Variants in RLN2 observed in about 807,000 individuals in gnomAD.
RLN2 encodes the protein relaxin 2, also known as prorelaxin H2.
Under a neutral mutation model 7.3 loss-of-function variants are expected in RLN2, and 10 were observed. That is an observed-to-expected ratio of 1.36 (90% CI 0.84 to 2.31). The LOEUF (loss-of-function observed/expected upper bound fraction) is 2.31. Among genes scored for constraint, RLN2 ranks in the 30% most tolerant of loss-of-function variants. The pLI, the probability that RLN2 is intolerant of heterozygous loss-of-function variation, is 0.00. For missense variants in RLN2, 298 were observed against 217.6 expected, an observed-to-expected ratio of 1.37 and a Z score of -2.32; for synonymous variants, 103 against 82.3, an observed-to-expected ratio of 1.25 and a Z score of -1.36.
chr9:5,300,144 C>A lies in RLN2; in HGVS notation c.512G>T (p.Cys171Phe). The A allele has an allele frequency of 6.2e-7, 1 of 1,604,682 alleles. No homozygotes were observed. Residue 171 changes from cysteine (C) to phenylalanine (F), a missense_variant, in exon 2 of 2, where the codon TGT becomes TTT. Coordinates refer to ENST00000381627, the MANE Select transcript of RLN2 (RefSeq NM_134441.3). ...RQLYSALANK[C>F]CHVGCTKRSL... Reference sequence around the variant, plus strand: ...TCTTTTGGTACAACCAACATGGCAACATTTATTAGCCAATGCACTGTAGAG... The same window carrying A: ...TCTTTTGGTACAACCAACATGGCAAAATTTATTAGCCAATGCACTGTAGAG...
chr9:5,312,666 A>G, the RLN2 span, among the ~76,000 whole-genome samples: 1 of 151,958 alleles, frequency 6.6e-6, no homozygotes, highest in East Asian at 1.9e-4. Flanking sequence ...CCTGCCTGAA[A>G]TACCATGATT....
the RLN2 span, among the ~76,000 whole-genome samples, chr9:5,312,573 T>C: frequency 6.6e-6 from 1 of 152,072 alleles, no homozygotes; most frequent in African/African-American, 2.4e-5. Flanking sequence ...TTGGGTTTTA[T>C]AGTGGCTTTC....
the RLN2 span, among the ~76,000 whole-genome samples, chr9:5,333,035 G>A: frequency 3.3e-5 from 5 of 151,978 alleles, 1 homozygote; most frequent in Non-Finnish European, 7.4e-5. Context: ...GTATTAACCA[G>A]AAGCTTAAAA....
At chr9:5,339,243 G>A in the RLN2 span, 1 of 251,110 alleles carries the variant, frequency 4.0e-6, no homozygotes, top group Non-Finnish European at 6.9e-6. Context: ...TTTCCACCCC[G>A]TCGCTCTGAC....
At chr9:5,336,588 C>CA in the RLN2 span, among the ~76,000 whole-genome samples, 2 of 152,126 alleles carry the variant, frequency 1.3e-5, no homozygotes, top group African/African-American at 4.8e-5. Context: ...TTCTTGCTGT[C>CA]AAAAAACTTA....
Position 5,300,310 on chromosome 9 carries a change from C to G in RLN2, c.346G>C (p.Val116Leu). The G allele has an allele frequency of 6.2e-7, 1 of 1,613,982 alleles. No individual in the cohort carries two copies. The highest frequency in any genetic ancestry group is 8.5e-7 in the Non-Finnish European group (1 of 1,179,912). ...AGACTGGAATCTTTTAATACAGGTACATGTTGTTGTAGCTGTGGTAATGCT... is the reference window on the plus strand; with the variant it reads ...AGACTGGAATCTTTTAATACAGGTAGATGTTGTTGTAGCTGTGGTAATGCT... The part of the protein sequence containing the change: ...QPALPQLQQH[V>L]PVLKDSSLLF... Residue 116 changes from valine to leucine, a missense_variant, in exon 2 of 2, where the codon GTA (valine) becomes CTA (leucine). Val to Leu is a conservative substitution (Grantham distance 32, BLOSUM62 1). Transcript: ENST00000381627.
the RLN2 span, among the ~76,000 whole-genome samples, chr9:5,321,071 A>T: frequency 7.2e-5 from 11 of 152,168 alleles, no homozygotes; most frequent in Non-Finnish European, 1.5e-5. Flanking sequence ...CAAACATAAG[A>T]CTATTCTTCT....
the RLN2 span, among the ~76,000 whole-genome samples, chr9:5,324,391 C>A: frequency 6.6e-6 from 1 of 151,904 alleles, no homozygotes; most frequent in Non-Finnish European, 1.5e-5. Context: ...TGAAAATAAT[C>A]ATTTTACATT....
chr9:5,312,153 T>C, the RLN2 span, among the ~76,000 whole-genome samples: 1 of 152,020 alleles, frequency 6.6e-6, no homozygotes, highest in Non-Finnish European at 1.5e-5. Context: ...AGACTTCCTC[T>C]TGGCTCCCAA....
At chr9:5,315,169 A>C in the RLN2 span, among the ~76,000 whole-genome samples, 1 of 152,048 alleles carries the variant, frequency 6.6e-6, no homozygotes, top group Non-Finnish European at 1.5e-5. Context: ...AAAAATAATA[A>C]TCTTAAGGAA....
the RLN2 span, chr9:5,311,310 G>C: frequency 2.8e-6 from 1 of 360,420 alleles, no homozygotes; most frequent in Non-Finnish European, 5.3e-6. Context: ...ATGAGTGCAT[G>C]AGCAGACATG....
chr9:5,311,199 A>G, the RLN2 span, among the ~76,000 whole-genome samples: 1 of 152,048 alleles, frequency 6.6e-6, no homozygotes, highest in South Asian at 2.1e-4. Flanking sequence ...TTGGACCAAC[A>G]ACAGGAGTAA....
the RLN2 span, among the ~76,000 whole-genome samples, chr9:5,315,826 T>C: frequency 1.3e-5 from 2 of 152,008 alleles, no homozygotes; most frequent in East Asian, 3.9e-4. Context: ...AATTTTCAGG[T>C]GAGAATACTA....
At chr9:5,300,949 G>A (rs964818223) in intron 1 of RLN2, among the ~76,000 whole-genome samples, 4 of 152,170 alleles carry the variant, frequency 2.6e-5, no homozygotes, top group African/African-American at 9.7e-5. Flanking sequence ...AAGTTAAAGA[G>A]GCAGAATTTC....
the RLN2 span, among the ~76,000 whole-genome samples, chr9:5,311,274 C>T: frequency 6.6e-6 from 1 of 151,342 alleles, no homozygotes; most frequent in Non-Finnish European, 1.5e-5. Flanking sequence ...GAGTGGGGGG[C>T]GGGGTATGTG....
At chr9:5,310,214 T>C in the RLN2 span, among the ~76,000 whole-genome samples, 1,390 of 152,076 alleles carry the variant, frequency 9.1e-3, 40 homozygotes, top group African/African-American at 0.032. Flanking sequence ...ACCAATTTTT[T>C]GCACCCTATT....
chr9:5,316,311 CTTTT>C, the RLN2 span, among the ~76,000 whole-genome samples: 1,114 of 151,730 alleles, frequency 7.3e-3, 29 homozygotes, highest in African/African-American at 0.026. Context: ...ACTGATTTCT[CTTTT>C]TTTTATTACA....
chr9:5,335,519 T>C, the RLN2 span: 1 of 1,613,254 alleles, frequency 6.2e-7, no homozygotes, highest in South Asian at 1.1e-5. Flanking sequence ...TGCCTTCAGC[T>C]CCGGTGGCAA....
chr9:5,326,608 G>C, the RLN2 span, among the ~76,000 whole-genome samples: 2 of 152,040 alleles, frequency 1.3e-5, no homozygotes, highest in African/African-American at 4.8e-5. Context: ...GTGGGGACAA[G>C]GGGGGAGGGC....
Sources: gnomAD v4.1 joint callset for allele counts (sites outside exome capture counted in the v4.1 genomes callset) on GRCh38, gnomAD v4.1.1 for gene constraint, MANE v1.5 for transcripts, NCBI Gene and HGNC (gene_info 2026-07-23, HGNC 2026-07-21) for gene names.